FRS2: variants seen among roughly 807,000 people sequenced by gnomAD.
FRS2 encodes fibroblast growth factor receptor substrate 2, also known as FGFR signalling adaptor.
FRS2 carries 8 observed loss-of-function variants against 43.9 expected under a neutral mutation model. The ratio of observed to expected loss-of-function variants is 0.18; its 90% CI spans 0.11 to 0.33. The LOEUF (loss-of-function observed/expected upper bound fraction) is 0.33. Ranked by LOEUF, FRS2 falls within the 10% of genes least tolerant of loss-of-function variation. The probability of loss-of-function intolerance (pLI) is 1.00; values close to 1 mark genes in which losing one functional copy is unlikely to be tolerated. For missense variants in FRS2, 534 were observed against 627.6 expected, an observed-to-expected ratio of 0.85 and a Z score of 1.59; for synonymous variants, 219 against 220.3, an observed-to-expected ratio of 0.99 and a Z score of 0.05.
chr12:69,538,187 A>G (rs1877490150), intron 3 of FRS2, among the ~76,000 whole-genome samples: 1 of 133,988 alleles, frequency 7.5e-6, no homozygotes, highest in Non-Finnish European at 1.6e-5. Context: ...TAAAATTAAA[A>G]AAACAAATTT....
At chr12:69,521,861 G>A (rs547514517) in intron 1 of FRS2, among the ~76,000 whole-genome samples, 1 of 152,278 alleles carries the variant, frequency 6.6e-6, no homozygotes, top group South Asian at 2.1e-4. Context: ...TGATCCACCT[G>A]CCTCGGCCTC....
At chr12:69,500,326 A>G (rs187361299) in intron 1 of FRS2, among the ~76,000 whole-genome samples, 160 of 152,332 alleles carry the variant, frequency 1.1e-3, no homozygotes, top group African/African-American at 3.7e-3. Context: ...GTTATTGTAT[A>G]CATTCTACCT....
At chr12:69,523,458 T>A (rs557421496) in intron 1 of FRS2, among the ~76,000 whole-genome samples, 1 of 152,332 alleles carries the variant, frequency 6.6e-6, no homozygotes, top group South Asian at 2.1e-4. Context: ...TTATTTTGAG[T>A]CCATGGGTGT....
intron 1 of FRS2, among the ~76,000 whole-genome samples, chr12:69,518,307 G>C (rs1369492682): frequency 1.3e-5 from 2 of 152,168 alleles, no homozygotes; most frequent in Admixed American, 6.5e-5. Context: ...GGGAAAATTT[G>C]TCTCTATATC....
chr12:69,496,036 A>C (rs1366496591), intron 1 of FRS2, among the ~76,000 whole-genome samples: 1 of 152,240 alleles, frequency 6.6e-6, no homozygotes, highest in Middle Eastern at 3.2e-3. Flanking sequence ...AAGCATTAAT[A>C]TTTGACTTAC....
chr12:69,560,825 A>C (rs1879815629), intron 3 of FRS2, among the ~76,000 whole-genome samples: 1 of 152,156 alleles, frequency 6.6e-6, no homozygotes, highest in Non-Finnish European at 1.5e-5. Context: ...TGTTTTTAAG[A>C]GCTTAATGAG....
chr12:69,515,324 G>T (rs966115548), intron 1 of FRS2, among the ~76,000 whole-genome samples: 1 of 152,182 alleles, frequency 6.6e-6, no homozygotes, highest in African/African-American at 2.4e-5. Flanking sequence ...AAAGCTGAAA[G>T]TTTCTGGCTT....
At chr12:69,472,114 C>G (rs1036192614) in intron 1 of FRS2, among the ~76,000 whole-genome samples, 4 of 152,060 alleles carry the variant, frequency 2.6e-5, no homozygotes, top group African/African-American at 9.7e-5. Context: ...TTCGAGACAG[C>G]CTCATTCTGC....
At chr12:69,535,286 A>G (rs1877164032) in intron 3 of FRS2, among the ~76,000 whole-genome samples, 1 of 152,230 alleles carries the variant, frequency 6.6e-6, no homozygotes, top group African/African-American at 2.4e-5. Flanking sequence ...AATACTTGAA[A>G]TGAGATCTAG....
At chr12:69,492,081 ACT>A (rs1279195240) in intron 1 of FRS2, among the ~76,000 whole-genome samples, 1 of 152,068 alleles carries the variant, frequency 6.6e-6, no homozygotes, top group East Asian at 1.9e-4. Flanking sequence ...AGCACTGATC[ACT>A]CTTGTGCAAA....
chr12:69,477,916 A>T (rs1870980273), intron 1 of FRS2, among the ~76,000 whole-genome samples: 3 of 145,810 alleles, frequency 2.1e-5, no homozygotes, highest in Admixed American at 1.4e-4. Flanking sequence ...AATTTTTTGT[A>T]TTTTTTAGTA....
chr12:69,574,748 C>T lies in FRS2; in HGVS notation c.1320C>T (p.Asp440=). The T allele has an allele frequency of 6.2e-7, 1 of 1,614,176 alleles. No individual in the cohort carries two copies. The highest frequency in any genetic ancestry group is 8.5e-7 in the Non-Finnish European group (1 of 1,180,020). ...GGCAGCTTAATTACATACAGGTTGA[C>T]TTGGAAGGTGGCAGTGACTCTGACA... is the stretch of plus-strand genomic sequence containing the variant. ...EHRQLNYIQV[D]LEGGSDSDNP... Residue 440 remains aspartate (D), a synonymous_variant, in exon 9 of 9, where the codon GAC becomes GAT. Transcript: ENST00000549921.
At chr12:69,521,783 T>G (rs1875679904) in intron 1 of FRS2, among the ~76,000 whole-genome samples, 1 of 151,948 alleles carries the variant, frequency 6.6e-6, no homozygotes. Context: ...CCTGGCTAAT[T>G]TTTTGTATTT....
chr12:69,550,116 A>G (rs746513913), intron 3 of FRS2, among the ~76,000 whole-genome samples: 2 of 152,112 alleles, frequency 1.3e-5, no homozygotes, highest in African/African-American at 2.4e-5. Context: ...AGTACATTCA[A>G]AACTGAGCTT....
intron 3 of FRS2, among the ~76,000 whole-genome samples, chr12:69,543,621 A>T (rs1878111098): frequency 6.6e-6 from 1 of 151,732 alleles, no homozygotes; most frequent in African/African-American, 2.4e-5. Context: ...GTAAGGGTTT[A>T]TCTATTTCAT....
intron 3 of FRS2, among the ~76,000 whole-genome samples, chr12:69,544,487 A>G (rs1443170710): frequency 6.6e-6 from 1 of 152,136 alleles, no homozygotes; most frequent in African/African-American, 2.4e-5. Flanking sequence ...TGGGTGAGTC[A>G]CTTGAGATCA....
At chr12:69,565,483 C>G (rs1433467611) in intron 4 of FRS2, among the ~76,000 whole-genome samples, 1 of 152,096 alleles carries the variant, frequency 6.6e-6, no homozygotes, top group Non-Finnish European at 1.5e-5. Flanking sequence ...TTTTTTGAAA[C>G]TTTTTGACTC....
In FRS2 at chr12:69,574,949, C is replaced by T. The variant is rs372181532; in HGVS notation, c.1521C>T (p.Pro507=). ...RKTRHNSTDL[P]M is the part of the protein sequence containing the mutation. The stretch of plus-strand genomic sequence containing the variant: ...CTAGACACAATAGTACTGATCTGCC[C>T]ATGTGAGCCTGGAAAGCATTGTGTT... The change falls in exon 9 of 9, where the codon CCC becomes CCT. Residue 507 remains proline (P), a synonymous_variant. Transcript: ENST00000549921. The T allele has an allele frequency of 4.4e-6, 7 of 1,591,690 alleles. No homozygotes were observed. The African/African-American group carries it at 9.4e-5, about 21-fold the overall frequency.
At chr12:69,526,021 G>A (rs545976446) in intron 1 of FRS2, among the ~76,000 whole-genome samples, 2 of 152,008 alleles carry the variant, frequency 1.3e-5, no homozygotes, top group African/African-American at 4.8e-5. Flanking sequence ...CACCACACCC[G>A]GCTAATTTTG....
Sources: allele counts gnomAD v4.1 joint callset (sites outside exome capture counted in the v4.1 genomes callset), GRCh38; gene constraint gnomAD v4.1.1; transcripts MANE v1.5; gene names NCBI Gene and HGNC (gene_info 2026-07-23, HGNC 2026-07-21).